Variants in CDC25B observed in about 807,000 individuals in gnomAD.
The protein encoded by CDC25B is M-phase inducer phosphatase 2.
CDC25B carries 33 observed loss-of-function variants against 69.8 expected under a neutral mutation model. The ratio of observed to expected loss-of-function variants is 0.47; its 90% CI spans 0.36 to 0.63. The LOEUF (loss-of-function observed/expected upper bound fraction) is 0.63, where lower values mean the gene tolerates loss of function less well. Ranked by LOEUF, CDC25B falls within the 30% of genes least tolerant of loss-of-function variation. The pLI is 0.00. For synonymous variants in CDC25B, 341 were observed against 314.6 expected (o/e 1.08, Z -0.89); for missense variants, 727 against 809.1 (o/e 0.90, Z 1.23).
Position 3,796,620 on chromosome 20 carries a change from C to T in CDC25B, c.89C>T (p.Pro30Leu). 1.4e-6 allele frequency: 2 copies of T among 1,448,408 alleles called. No homozygotes were observed. Among genetic ancestry groups the T allele is most frequent in the South Asian group, 1.4e-5 (1 of 70,808 alleles). The allele number at this position is 1,448,408 out of a possible 1,614,324, so 89.7% of individuals were successfully genotyped here. A position where few individuals can be genotyped will look rare whatever the true frequency, so the allele number is the denominator to read the frequency against. Residue 30 changes from proline to leucine, a missense_variant, in exon 1 of 16, where the codon CCG becomes CTG. By Grantham distance (98) the Pro-to-Leu change is moderately conservative. This residue lies in a region of CDC25B where 368 missense variants were observed against 345.6 expected (regional missense o/e 1.06). Transcript: ENST00000245960. ...GGCGCCCAGCGTCCGGGCCACCTCCCGGGCCTCCTGCTGGGATCTCATGGC... is the reference window on the plus strand; with the variant it reads ...GGCGCCCAGCGTCCGGGCCACCTCCTGGGCCTCCTGCTGGGATCTCATGGC... ...CGGAQRPGHL[P>L]GLLLGSHGLL...
Position 3,801,326 on chromosome 20 carries a change from C to T in CDC25B, c.778C>T (p.Pro260Ser), listed in dbSNP as rs202059655. The T allele has an allele frequency of 1.9e-6, 3 of 1,614,054 alleles. No individual in the cohort carries two copies. Among genetic ancestry groups the T allele is most frequent in the East Asian group, 2.2e-5 (1 of 44,886 alleles). ...PLALGRFSLTPAEGDTEEDDG... is the reference protein window; with the variant it reads ...PLALGRFSLTSAEGDTEEDDG... Reference sequence around the variant, plus strand: ...GGCCCTAGGTCGCTTCTCTCTGACCCCTGCAGAGGGGGATACTGAGGAAGA... The same window carrying T: ...GGCCCTAGGTCGCTTCTCTCTGACCTCTGCAGAGGGGGATACTGAGGAAGA... The change falls in exon 8 of 16, where the codon CCT (proline) becomes TCT (serine). Residue 260 changes from proline (P) to serine (S), a missense_variant. Coordinates refer to ENST00000245960, the MANE Select transcript of CDC25B (RefSeq NM_021873.4).
At chr20:3,789,136 T>C (rs979799892) in intron 1 of CDC25B, among the ~76,000 whole-genome samples, 4 of 152,200 alleles carry the variant, frequency 2.6e-5, no homozygotes, top group Non-Finnish European at 5.9e-5. Context: ...GTCCCAGCTT[T>C]CTGCTTTTAG....
intron 14 of CDC25B, among the ~76,000 whole-genome samples, chr20:3,804,001 G>A (rs373999258): frequency 3.3e-5 from 5 of 152,186 alleles, no homozygotes; most frequent in African/African-American, 1.2e-4. Context: ...CTCCTGGGTT[G>A]CCACTGGTCC....
Position 3,804,584 on chromosome 20 carries a change from G to C in CDC25B, c.1506G>C (p.Arg502Ser). The C allele has an allele frequency of 1.2e-6, 2 of 1,613,678 alleles. No homozygotes were observed. The highest frequency in any genetic ancestry group is 1.7e-6 in the Non-Finnish European group (2 of 1,179,612). ...GACGCCCCAGGTGCCGTTTCATCAG[G>C]GAACGAGACCGTGCTGTCAACGACT... The part of the protein sequence containing the change: ...ERGPRMCRFI[R>S]ERDRAVNDYP... Residue 502 changes from arginine to serine, a missense_variant, in exon 15 of 16, where the codon AGG (arginine) becomes AGC (serine). Around this residue, in one of 2 missense-constraint regions of CDC25B, gnomAD observed 359 missense variants for 463.4 expected, o/e 0.77. Transcript: ENST00000245960.
Position 3,805,488 on chromosome 20 carries a change from C to T in CDC25B, c.*527C>T, listed in dbSNP as rs1448130251. 3.1e-6 allele frequency: 1 copy of T among 318,810 alleles called. No individual in the cohort carries two copies. The highest frequency in any genetic ancestry group is 2.1e-5 in the African/African-American group (1 of 46,880). 19.7% of individuals were successfully genotyped at this position (318,810 alleles called of 1,614,324 possible). A position where few individuals can be genotyped will look rare whatever the true frequency, so the allele number is the denominator to read the frequency against. On this transcript the variant is annotated 3_prime_UTR_variant, in exon 16 of 16. Coordinates refer to ENST00000245960, the MANE Select transcript of CDC25B (RefSeq NM_021873.4). ...TTCTCTTTTCCCCTTTCCTGTCCCA[C>T]CATACGAGCACCTCCAGCCTGAACA...
chr20:3,792,965 C>A (rs906926829), upstream of CDC25B, among the ~76,000 whole-genome samples: 4 of 152,174 alleles, frequency 2.6e-5, no homozygotes, highest in African/African-American at 9.7e-5. Context: ...TTAAATGTTG[C>A]AAGTACAAAT....
intron 9 of CDC25B, 54 bp from the exon 10 acceptor site, chr20:3,801,870 G>A: frequency 2.5e-6 from 4 of 1,584,698 alleles, no homozygotes; most frequent in South Asian, 1.2e-5. Context: ...CAGTGGATTT[G>A]AGGGATGGGA....
At chr20:3,789,958 C>A (rs2088886117) in intron 1 of CDC25B, among the ~76,000 whole-genome samples, 1 of 151,440 alleles carries the variant, frequency 6.6e-6, no homozygotes, top group Non-Finnish European at 1.5e-5. Flanking sequence ...CACTGCACTC[C>A]AGCCTGGGCG....
chr20:3,800,635 T>G, intron 5 of CDC25B, 108 bp from the exon 6 acceptor site: 1 of 1,585,152 alleles, frequency 6.3e-7, no homozygotes, highest in Non-Finnish European at 8.6e-7. Flanking sequence ...CAGAGGTAGG[T>G]AGGTAAGTGG....
rs11570005 is a variant in CDC25B at position 3,801,112 on chromosome 20, T to C, written c.705+19T>C. The C allele has an allele frequency of 4.7e-3, 7,535 of 1,613,316 alleles. 330 individuals are homozygous for C. The African/African-American group carries it at 0.089, about 19-fold the overall frequency. ...CCTGATGGTACATCCAGAGAGCGGA[T>C]CCCTGGGAGGGGCCTGGGGAGGCAG... On this transcript the variant is annotated intron_variant, in intron 7 of 15. Transcript: ENST00000245960.
intron 2 of CDC25B, 114 bp downstream of exon 2, chr20:3,797,863 G>A: frequency 7.6e-7 from 1 of 1,317,674 alleles, no homozygotes; most frequent in Non-Finnish European, 1.1e-6. Context: ...ACAACCTGGT[G>A]GGCCCAGGAG....
chr20:3,795,377 C>A (rs111615285), upstream of CDC25B, among the ~76,000 whole-genome samples: 4,250 of 64,110 alleles, frequency 0.066, 207 homozygotes, highest in African/African-American at 0.18. Context: ...CAAAACAAAA[C>A]AAAAAGAAAG....
chr20:3,802,386 G>T lies in CDC25B; in HGVS notation c.1194+10G>T. ...TGGAGATTACTCTAAGGTACCTGCA[G>T]CAGCGAAGGGGGTACCTTGGGGGCT... is the stretch of plus-strand genomic sequence containing the variant. On this transcript the variant is annotated intron_variant, in intron 11 of 15. Transcript: ENST00000245960. The T allele has an allele frequency of 6.3e-7, 1 of 1,589,312 alleles. No homozygotes were observed.
At position 3,801,234 on chromosome 20, in the gene CDC25B, T is replaced by A. The variant is rs201217165; in HGVS notation, c.706-20T>A. The A allele has an allele frequency of 6.2e-7, 1 of 1,612,382 alleles. No individual in the cohort carries two copies. The highest frequency in any genetic ancestry group is 1.3e-5 in the African/African-American group (1 of 74,918). ...AACTATCTCCACCTCTAAGTCTGTG[T>A]CTGTCTGTCATGTGGACAGTGTCTC... On this transcript the variant is annotated intron_variant, in intron 7 of 15. Transcript: ENST00000245960.
chr20:3,801,292 C>T lies in CDC25B; in HGVS notation c.744C>T (p.Leu248=). The T allele has an allele frequency of 6.2e-7, 1 of 1,614,136 alleles. No individual in the cohort carries two copies. Among genetic ancestry groups the T allele is most frequent in the Non-Finnish European group, 8.5e-7 (1 of 1,180,018 alleles). The change falls in exon 8 of 16, where the codon CTC becomes CTT. Residue 248 remains leucine, a synonymous_variant. Coordinates refer to ENST00000245960, the MANE Select transcript of CDC25B (RefSeq NM_021873.4). ...SPDRKMEVEE[L]SPLALGRFSL... is the part of the protein sequence containing the mutation. ...ACCGGAAGATGGAAGTGGAGGAGCT[C>T]AGCCCCCTGGCCCTAGGTCGCTTCT...
rs1217802585 is a variant in CDC25B at position 3,796,418 on chromosome 20, T to TCCCCC, written c.-106_-102dup. On this transcript the variant is annotated 5_prime_UTR_variant, in exon 1 of 16. Transcript: ENST00000245960. ...CTGTGGCTCTTCCTCCCTCCCTCCT[T>TCCCCC]CCCCCCCCCCCCACCCCTCGCCCGC... 11 of 152,060 alleles carry TCCCCC rather than the reference T, an allele frequency of 7.2e-5. No individual in the cohort carries two copies. Among genetic ancestry groups the TCCCCC allele is most frequent in the Admixed American group, 4.6e-4 (1 of 2,162 alleles). The allele number at this position is 152,060 out of a possible 1,614,324, so 9.4% of individuals were successfully genotyped here.
chr20:3,795,941 G>T, upstream of CDC25B: 1 of 986,858 alleles, frequency 1.0e-6, no homozygotes, highest in Non-Finnish European at 1.2e-6. Context: ...CAAACTTCCG[G>T]GAGCCAGTTG....
intron 1 of CDC25B, among the ~76,000 whole-genome samples, chr20:3,788,043 A>T (rs906430191): frequency 1.3e-5 from 2 of 152,136 alleles, no homozygotes; most frequent in Non-Finnish European, 2.9e-5. Flanking sequence ...AGGCTGAGGC[A>T]GGAGAATCGC....
intron 1 of CDC25B, among the ~76,000 whole-genome samples, chr20:3,789,988 C>CA (rs58844468): frequency 0.039 from 5,309 of 135,686 alleles, 300 homozygotes; most frequent in African/African-American, 0.13. Context: ...GACTCTGTCT[C>CA]AAAAAAAAAA....
Sources: gnomAD v4.1 joint callset for allele counts (sites outside exome capture counted in the v4.1 genomes callset) on GRCh38, gnomAD v4.1.1 for gene constraint, gnomAD v4.1.1 regional missense constraint, MANE v1.5 for transcripts, NCBI Gene and HGNC (gene_info 2026-07-23, HGNC 2026-07-21) for gene names.